Variants in ERH observed in about 807,000 individuals in gnomAD.
ERH encodes the protein ERH mRNA splicing and mitosis factor.
A neutral mutation model predicts 16.8 loss-of-function variants in ERH; 1 was observed. That is an observed-to-expected ratio of 0.06 (90% CI 0.02 to 0.28). ERH has a LOEUF of 0.28. ERH is among the 10% of genes least tolerant of loss of function. ERH has a pLI of 1.00. For synonymous variants in ERH, 43 were observed against 43.6 expected (o/e 0.99, Z 0.05); for missense variants, 42 against 127.5 (o/e 0.33, Z 3.23).
chr14:69,384,409 A>C (rs1278108721), intron 3 of ERH, among the ~76,000 whole-genome samples: 1 of 152,232 alleles, frequency 6.6e-6, no homozygotes, highest in Admixed American at 6.5e-5. Flanking sequence ...GGAGCTAGCA[A>C]ATGGTAGACC....
chr14:69,391,051 G>A (rs1209069364), intron 2 of ERH, among the ~76,000 whole-genome samples: 1 of 152,190 alleles, frequency 6.6e-6, no homozygotes, highest in Non-Finnish European at 1.5e-5. Context: ...GTCCTGCCAC[G>A]TCTGAAGACA....
intron 1 of ERH, chr14:69,397,871 T>A: frequency 2.7e-6 from 1 of 370,706 alleles, no homozygotes; most frequent in Non-Finnish European, 5.0e-6. Context: ...GGGTCTGAGA[T>A]CCCGCCACTG....
chr14:69,387,027 T>C lies in ERH; in HGVS notation c.148A>G (p.Ile50Val). 1 of 1,613,520 alleles carries C rather than the reference T, an allele frequency of 6.2e-7. No homozygotes were observed. The highest frequency in any genetic ancestry group is 8.5e-7 in the Non-Finnish European group (1 of 1,179,428). The change falls in exon 3 of 4, where the codon ATC (isoleucine) becomes GTC (valine). Residue 50 changes from isoleucine to valine, a missense_variant. Physicochemically the swap from Ile to Val is conservative, Grantham distance 29. Transcript: ENST00000557016. Reference sequence around the variant, plus strand: ...AACAACTGACTGATGTCATATGTGATAGAGGGACTGTTGGGATTCATTCTT... The same window carrying C: ...AACAACTGACTGATGTCATATGTGACAGAGGGACTGTTGGGATTCATTCTT... ...LKRMNPNSPS[I>V]TYDISQLFDF...
chr14:69,385,239 A>AAT (rs1213157587), intron 3 of ERH, among the ~76,000 whole-genome samples: 1 of 152,184 alleles, frequency 6.6e-6, no homozygotes, highest in East Asian at 1.9e-4. Flanking sequence ...CCATGATCAC[A>AAT]ATGACTGATT....
chr14:69,387,437 G>A (rs540976284), intron 2 of ERH, among the ~76,000 whole-genome samples: 35 of 152,234 alleles, frequency 2.3e-4, no homozygotes, highest in African/African-American at 8.4e-4. Context: ...GCGTGTGCTT[G>A]TGGTCCCAGC....
At chr14:69,393,345 A>G (rs572130979) in intron 2 of ERH, among the ~76,000 whole-genome samples, 5 of 152,158 alleles carry the variant, frequency 3.3e-5, no homozygotes, top group African/African-American at 1.2e-4. Flanking sequence ...AGACACCTGC[A>G]CTCATACGTT....
In ERH at chr14:69,380,524, TG is replaced by T; in HGVS notation, c.*13del. 1 of 1,128,680 alleles carries T rather than the reference TG, an allele frequency of 8.9e-7. No homozygotes were observed. Among genetic ancestry groups the T allele is most frequent in the Non-Finnish European group, 1.3e-6 (1 of 746,090 alleles). The allele number at this position is 1,128,680 out of a possible 1,614,324, so 69.9% of individuals were successfully genotyped here. A position where few individuals can be genotyped will look rare whatever the true frequency, so the allele number is the denominator to read the frequency against. On this transcript the variant is annotated 3_prime_UTR_variant, in exon 4 of 4. Coordinates refer to ENST00000557016, the MANE Select transcript of ERH (RefSeq NM_004450.3). ...TCCAAGCCCACCCCAACCCCCCCAG[TG>T]CTTCCAACACAATTATTTCCCAGCC...
intron 3 of ERH, among the ~76,000 whole-genome samples, chr14:69,383,953 G>A (rs2045877808): frequency 6.6e-6 from 1 of 152,092 alleles, no homozygotes; most frequent in African/African-American, 2.4e-5. Flanking sequence ...TTTGAGACCA[G>A]CCTGGGTAAT....
intron 3 of ERH, among the ~76,000 whole-genome samples, chr14:69,385,395 CTCCTTATCTT>C (rs1240059631): frequency 6.6e-6 from 1 of 152,122 alleles, no homozygotes; most frequent in African/African-American, 2.4e-5. Context: ...GATGTCCTTG[CTCCTTATCTT>C]TCTGAGATAA....
intron 2 of ERH, among the ~76,000 whole-genome samples, chr14:69,389,894 G>A (rs2045914628): frequency 6.6e-6 from 1 of 152,092 alleles, no homozygotes. Context: ...AAGGATCTGT[G>A]ACTACAGGTA....
At chr14:69,394,545 C>T (rs773362258) in intron 2 of ERH, among the ~76,000 whole-genome samples, 12 of 152,132 alleles carry the variant, frequency 7.9e-5, no homozygotes, top group Admixed American at 5.9e-4. Context: ...TTGCGTAAGC[C>T]GAGATCGCAT....
chr14:69,385,826 TCA>T (rs2045888708), intron 3 of ERH, among the ~76,000 whole-genome samples: 1 of 152,182 alleles, frequency 6.6e-6, no homozygotes, highest in Admixed American at 6.5e-5. Flanking sequence ...TTCTCAGTCC[TCA>T]CATATCTGTC....
At chr14:69,382,342 C>T (rs1282099044) in intron 3 of ERH, among the ~76,000 whole-genome samples, 2 of 152,148 alleles carry the variant, frequency 1.3e-5, no homozygotes, top group African/African-American at 4.8e-5. Flanking sequence ...AAGCTCTAAG[C>T]TAGTCTACTG....
chr14:69,380,521 C>T lies in ERH; in HGVS notation c.*17G>A. On this transcript the variant is annotated 3_prime_UTR_variant, in exon 4 of 4. Coordinates refer to ENST00000557016, the MANE Select transcript of ERH (RefSeq NM_004450.3). ...TGTTCCAAGCCCACCCCAACCCCCC[C>T]AGTGCTTCCAACACAATTATTTCCC... 7.3e-7 allele frequency: 1 copy of T among 1,367,760 alleles called. No homozygotes were observed. Among genetic ancestry groups the T allele is most frequent in the Non-Finnish European group, 1.0e-6 (1 of 956,200 alleles). 84.7% of individuals were successfully genotyped at this position (1,367,760 alleles called of 1,614,324 possible).
intron 3 of ERH, 106 bp from the exon 4 acceptor site, chr14:69,380,746 C>A: frequency 1.6e-6 from 1 of 615,250 alleles, no homozygotes; most frequent in Non-Finnish European, 2.9e-6. Context: ...TGCACATTTC[C>A]AAAAATGAAC....
At position 69,387,098 on chromosome 14, in the gene ERH, G is replaced by GA; in HGVS notation, c.92-16dup. On this transcript the variant is annotated splice_polypyrimidine_tract_variant and intron_variant, in intron 2 of 3. Transcript: ENST00000557016. ...TTTACAAACACCTAAGAAAGGATAG[G>GA]AAAAAAAGCAAAATCTTACAATCGC... The GA allele has an allele frequency of 1.2e-6, 2 of 1,609,802 alleles. No individual in the cohort carries two copies. The highest frequency in any genetic ancestry group is 1.7e-5 in the Admixed American group (1 of 59,678).
intron 2 of ERH, among the ~76,000 whole-genome samples, chr14:69,392,897 T>A (rs1460936937): frequency 6.6e-6 from 1 of 152,156 alleles, no homozygotes; most frequent in Non-Finnish European, 1.5e-5. Context: ...CATGATAATG[T>A]AGGTTAGGTA....
chr14:69,397,986 G>T, intron 1 of ERH: 1 of 603,370 alleles, frequency 1.7e-6, no homozygotes. Context: ...TTCATCCTCA[G>T]GCCCAAGGCA....
chr14:69,380,477 A>G lies in ERH; in HGVS notation c.*61T>C, dbSNP rs1373115753. The G allele has an allele frequency of 1.1e-6, 1 of 914,034 alleles. No homozygotes were observed. The highest frequency in any genetic ancestry group is 1.6e-5 in the African/African-American group (1 of 61,548). 56.6% of individuals were successfully genotyped at this position (914,034 alleles called of 1,614,324 possible). ...TACTATGATACAAAACTTCCACTAC[A>G]GCACGCTGTACACACCTGTGTTCCA... On this transcript the variant is annotated 3_prime_UTR_variant, in exon 4 of 4. Transcript: ENST00000557016.
Sources: allele counts gnomAD v4.1 joint callset (sites outside exome capture counted in the v4.1 genomes callset), GRCh38; gene constraint gnomAD v4.1.1; transcripts MANE v1.5; gene names NCBI Gene and HGNC (gene_info 2026-07-23, HGNC 2026-07-21).